Variants in SPIRE1 observed in about 807,000 individuals in gnomAD.
The protein encoded by SPIRE1 is spire type actin nucleation factor 1.
Under a neutral mutation model 94.1 loss-of-function variants are expected in SPIRE1, and 40 were observed. That is an observed-to-expected ratio of 0.43 (90% CI 0.33 to 0.55). The LOEUF (loss-of-function observed/expected upper bound fraction) is 0.55, where lower values mean the gene tolerates loss of function less well. SPIRE1 is among the 20% of genes least tolerant of loss of function. The pLI is 0.06. For missense variants in SPIRE1, 838 were observed against 975.2 expected (o/e 0.86, Z 1.87); for synonymous variants, 376 against 371.7 (o/e 1.01, Z -0.13).
intron 6 of SPIRE1, among the ~76,000 whole-genome samples, chr18:12,499,510 CA>C (rs35756331): frequency 0.19 from 26,163 of 140,246 alleles, 2,340 homozygotes; most frequent in South Asian, 0.27. Context: ...CCATTTCTGC[CA>C]AAAAAAAAAA....
upstream of SPIRE1, chr18:12,658,160 C>G (rs2038615550): frequency 1.1e-6 from 1 of 949,996 alleles, no homozygotes; most frequent in Non-Finnish European, 1.3e-6. Context: ...CGCCCAGCGC[C>G]CGCCCCTTAG....
chr18:12,474,291 A>G (rs2032472256), intron 10 of SPIRE1, among the ~76,000 whole-genome samples: 1 of 152,238 alleles, frequency 6.6e-6, no homozygotes, highest in South Asian at 2.1e-4. Flanking sequence ...CAGCAGAGGC[A>G]GGTGGACTCC....
chr18:12,567,814 T>C (rs2035856161), intron 2 of SPIRE1, among the ~76,000 whole-genome samples: 1 of 152,196 alleles, frequency 6.6e-6, no homozygotes, highest in Non-Finnish European at 1.5e-5. Flanking sequence ...TAATCAAGTT[T>C]GAGTTTTGTT....
At chr18:12,480,696 C>G (rs16977227) in intron 9 of SPIRE1, among the ~76,000 whole-genome samples, 6,862 of 152,254 alleles carry the variant, frequency 0.045, 173 homozygotes, top group South Asian at 0.092. Context: ...TGTCATGCCA[C>G]AGCTGATCCA....
At chr18:12,546,605 G>C (rs1000590725) in intron 3 of SPIRE1, 69 bp downstream of exon 3, 18 of 1,174,110 alleles carry the variant, frequency 1.5e-5, no homozygotes, top group Non-Finnish European at 2.1e-5. Context: ...TCTCTCCAGG[G>C]GGGGAAAAAA....
At chr18:12,639,098 G>C (rs968585476) in intron 1 of SPIRE1, among the ~76,000 whole-genome samples, 5 of 152,026 alleles carry the variant, frequency 3.3e-5, no homozygotes, top group African/African-American at 1.2e-4. Context: ...TACTGTTTCT[G>C]AGGAATGGGG....
intron 2 of SPIRE1, among the ~76,000 whole-genome samples, chr18:12,584,100 T>C (rs2036328428): frequency 6.6e-6 from 1 of 151,876 alleles, no homozygotes; most frequent in South Asian, 2.1e-4. Context: ...AAATATATAA[T>C]ACATGCCAGG....
At chr18:12,586,019 T>C (rs1409611873) in intron 2 of SPIRE1, among the ~76,000 whole-genome samples, 1 of 152,220 alleles carries the variant, frequency 6.6e-6, no homozygotes, top group African/African-American at 2.4e-5. Context: ...GGCACAATCA[T>C]AGCTCACTTT....
At chr18:12,510,206 G>C (rs905416453) in intron 5 of SPIRE1, among the ~76,000 whole-genome samples, 5 of 152,078 alleles carry the variant, frequency 3.3e-5, no homozygotes, top group Non-Finnish European at 5.9e-5. Flanking sequence ...AGAAACTGGG[G>C]AGGAGGGAGG....
intron 3 of SPIRE1, among the ~76,000 whole-genome samples, chr18:12,540,441 T>A (rs925282072): frequency 6.6e-6 from 1 of 152,150 alleles, no homozygotes; most frequent in East Asian, 1.9e-4. Context: ...AGTGTTGCGA[T>A]CTTGGCTCAC....
intron 2 of SPIRE1, among the ~76,000 whole-genome samples, chr18:12,631,374 G>A (rs981713302): frequency 2.0e-5 from 3 of 151,466 alleles, no homozygotes; most frequent in Admixed American, 1.3e-4. Flanking sequence ...GAGAACAGTG[G>A]AATTGTTTTA....
At chr18:12,470,636 T>C (rs1165315020) in intron 10 of SPIRE1, among the ~76,000 whole-genome samples, 1 of 151,942 alleles carries the variant, frequency 6.6e-6, no homozygotes, top group East Asian at 1.9e-4. Context: ...CGTGTGTGCA[T>C]ATGTGTGGGT....
intron 2 of SPIRE1, among the ~76,000 whole-genome samples, chr18:12,591,920 G>A (rs2036545981): frequency 8.1e-6 from 1 of 123,576 alleles, no homozygotes; most frequent in African/African-American, 3.1e-5. Flanking sequence ...AGTGAGCCGA[G>A]ATCGCACCAC....
chr18:12,523,469 G>C lies in SPIRE1; in HGVS notation c.730-10938C>G, dbSNP rs1336510401. ...AAGATTGACTCCAATTTTGAAAGAA[G>C]TTCTACTGTGGGTAATGTGCTATCA... On this transcript the variant is annotated intron_variant, in intron 4 of 16. Coordinates refer to ENST00000409402, the MANE Select transcript of SPIRE1 (RefSeq NM_001128626.2). Among the ~76,000 whole-genome samples, 4 of 152,162 alleles carry C rather than the reference G, an allele frequency of 2.6e-5. No individual in the cohort carries two copies. The East Asian group carries it at 7.7e-4, about 29-fold the overall frequency.
chr18:12,528,504 C>A (rs190991435), intron 4 of SPIRE1, among the ~76,000 whole-genome samples: 1 of 152,244 alleles, frequency 6.6e-6, no homozygotes, highest in East Asian at 1.9e-4. Flanking sequence ...CAGGTAGGTG[C>A]AGAGGCCCTG....
intron 2 of SPIRE1, among the ~76,000 whole-genome samples, chr18:12,569,638 A>AC (rs200212105): frequency 0.097 from 14,400 of 149,126 alleles, 875 homozygotes; most frequent in Middle Eastern, 0.17. Flanking sequence ...AACAACAACA[A>AC]AAAAAAAAAA....
intron 3 of SPIRE1, 76 bp downstream of exon 3, chr18:12,546,598 C>G: frequency 8.8e-7 from 1 of 1,133,146 alleles, no homozygotes; most frequent in Non-Finnish European, 1.3e-6. Context: ...GAGACCATCT[C>G]TCCAGGGGGG....
At position 12,559,570 on chromosome 18, in the gene SPIRE1, T is replaced by C. The variant is rs1388904590; in HGVS notation, c.373-12666A>G. Among the ~76,000 whole-genome samples, 3 of 152,176 alleles carry C rather than the reference T, an allele frequency of 2.0e-5. No individual in the cohort carries two copies. Among genetic ancestry groups the C allele is most frequent in the African/African-American group, 2.4e-5 (1 of 41,458 alleles). On this transcript the variant is annotated intron_variant, in intron 2 of 16. Coordinates refer to ENST00000409402, the MANE Select transcript of SPIRE1 (RefSeq NM_001128626.2). The surrounding 1 kb of genome is among the most constrained non-coding windows in gnomAD (Gnocchi z 4.7). Reference sequence around the variant, plus strand: ...AGCAGGCTGAAGGGCTCCTCAAGCATGGCCAGAGTGGACGCCGTGGCCTGA... The same window carrying C: ...AGCAGGCTGAAGGGCTCCTCAAGCACGGCCAGAGTGGACGCCGTGGCCTGA...
At chr18:12,608,401 G>A (rs911848505) in intron 2 of SPIRE1, among the ~76,000 whole-genome samples, 1 of 151,892 alleles carries the variant, frequency 6.6e-6, no homozygotes, top group Non-Finnish European at 1.5e-5. Flanking sequence ...CATTCTATCC[G>A]TTTGTTTCTA....
Sources: gnomAD v4.1 joint callset for allele counts (sites outside exome capture counted in the v4.1 genomes callset) on GRCh38, gnomAD v4.1.1 for gene constraint, Gnocchi (gnomAD v3.1) non-coding constraint, MANE v1.5 for transcripts, NCBI Gene and HGNC (gene_info 2026-07-23, HGNC 2026-07-21) for gene names.